The following KCNAB2 variants were observed in gnomAD, a reference collection of about 807,000 sequenced individuals.
KCNAB2 encodes voltage-gated potassium channel subunit beta-2.
In KCNAB2, 29 loss-of-function variants were observed where a neutral mutation model predicts 63.6. That is an observed-to-expected ratio of 0.46 (90% CI 0.34 to 0.62). KCNAB2 has a LOEUF of 0.62. Among genes scored for constraint, KCNAB2 ranks in the 20% least tolerant of loss-of-function variants. KCNAB2 has a pLI of 0.01. For missense variants in KCNAB2, 359 were observed against 563.9 expected, an observed-to-expected ratio of 0.64 and a Z score of 3.68; for synonymous variants, 222 against 224.2, an observed-to-expected ratio of 0.99 and a Z score of 0.09.
At chr1:6,064,770 C>T (rs1662598868) in intron 2 of KCNAB2, among the ~76,000 whole-genome samples, 2 of 152,198 alleles carry the variant, frequency 1.3e-5, no homozygotes, top group Non-Finnish European at 2.9e-5. Flanking sequence ...CCTGGCAGGA[C>T]AAGAGGGGGC....
rs773900780 is a variant in KCNAB2 at position 6,098,595 on chromosome 1, C to G, written c.*21C>G. The stretch of plus-strand genomic sequence containing the variant: ...CCTAAGCCGCCCCCGCCCGCCTGCT[C>G]GGACAGTTTCCGTTCCCTCCTAGTC... On this transcript the variant is annotated 3_prime_UTR_variant, in exon 16 of 16. Transcript: ENST00000378083. 6.2e-6 allele frequency: 10 copies of G among 1,611,434 alleles called. No homozygotes were observed. The highest frequency in any genetic ancestry group is 4.0e-5 in the African/African-American group (3 of 74,888).
intron 1 of KCNAB2, among the ~76,000 whole-genome samples, chr1:6,017,480 G>A (rs1193632074): frequency 6.6e-6 from 1 of 151,828 alleles, no homozygotes; most frequent in East Asian, 1.9e-4. Context: ...TGCTGGGCTG[G>A]TCTAGAATTC....
At chr1:6,044,464 T>C (rs1034530843), upstream of KCNAB2, among the ~76,000 whole-genome samples, 4 of 152,032 alleles carry the variant, frequency 2.6e-5, no homozygotes, top group African/African-American at 9.7e-5. Flanking sequence ...CATATTCCAG[T>C]AGATACAACA....
rs115106045 is a variant in KCNAB2 at position 6,054,984 on chromosome 1, G to A, written c.218+3230G>A. Among the ~76,000 whole-genome samples, 831 of 152,262 alleles carry A rather than the reference G, an allele frequency of 5.5e-3. 11 individuals carry two copies. The highest frequency in any genetic ancestry group is 0.027 in the Middle Eastern group (8 of 294). ...TTTGACTTAGTTATAGGAAATCAGC[G>A]GGAATTGGCCTTCAGTTCCCTGCCT... On this transcript the variant is annotated intron_variant, in intron 2 of 15. Coordinates refer to ENST00000378083, the MANE Select transcript of KCNAB2 (RefSeq NM_001199862.2).
rs1162252315 is a variant in KCNAB2, at chr1:6,094,408, C to T, written c.655C>T (p.Arg219Cys). ...CCTTTCTCTCACGACAGAGACCGTC[C>T]GCGCCATGACCCACGTCATCAACCA... ...SRTFIIEETV[R>C]AMTHVINQGM... Residue 219 changes from arginine to cysteine, a missense_variant, in exon 11 of 16, where the codon CGC (arginine) becomes TGC (cysteine). Arg to Cys is a radical substitution (Grantham distance 180). Coordinates refer to ENST00000378083, the MANE Select transcript of KCNAB2 (RefSeq NM_001199862.2). The T allele has an allele frequency of 1.9e-6, 3 of 1,610,052 alleles. No homozygotes were observed. Among genetic ancestry groups the T allele is most frequent in the Middle Eastern group, 1.7e-4 (1 of 6,036 alleles).
intron 2 of KCNAB2, among the ~76,000 whole-genome samples, chr1:6,063,621 G>A (rs910870918): frequency 6.6e-6 from 1 of 152,010 alleles, no homozygotes; most frequent in South Asian, 2.1e-4. Context: ...ATGTTAGCCA[G>A]GCTGGTCTCA....
intron 1 of KCNAB2, chr1:6,040,438 C>G (rs983742983): frequency 3.9e-6 from 3 of 768,282 alleles, no homozygotes. Flanking sequence ...CTTTGTGATC[C>G]CAGAGTCTCC....
intron 5 of KCNAB2, among the ~76,000 whole-genome samples, chr1:6,083,294 C>G (rs1359370192): frequency 6.6e-6 from 1 of 152,182 alleles, no homozygotes; most frequent in Non-Finnish European, 1.5e-5. Context: ...CCGAGCCCCC[C>G]ACCTCTTCGC....
At chr1:6,010,275 A>G (rs1658077413) in intron 1 of KCNAB2, among the ~76,000 whole-genome samples, 1 of 152,198 alleles carries the variant, frequency 6.6e-6, no homozygotes, top group Admixed American at 6.5e-5. Flanking sequence ...CCTGCAATAA[A>G]GAACCAGCAT....
intron 1 of KCNAB2, among the ~76,000 whole-genome samples, chr1:6,008,618 G>A (rs1230616410): frequency 3.7e-5 from 2 of 54,188 alleles, no homozygotes; most frequent in African/African-American, 1.5e-4. Context: ...GAGCGAGACT[G>A]TCTCAAAAAA....
At chr1:6,092,623 C>T (rs1183689422) in intron 10 of KCNAB2, among the ~76,000 whole-genome samples, 2 of 152,230 alleles carry the variant, frequency 1.3e-5, no homozygotes, top group African/African-American at 4.8e-5. Context: ...GCCAGGAGCC[C>T]GGACCTGGGC....
intron 2 of KCNAB2, among the ~76,000 whole-genome samples, chr1:6,062,426 G>A (rs185333577): frequency 2.0e-3 from 306 of 152,306 alleles, no homozygotes; most frequent in African/African-American, 6.6e-3. Flanking sequence ...TTGTCTAGCA[G>A]CTGTTTGTGT....
In KCNAB2 at chr1:6,086,440, C is replaced by T. The variant is rs191727960; in HGVS notation, c.426-1027C>T. 5,856 of 932,414 alleles carry T rather than the reference C, an allele frequency of 6.3e-3. 21 individuals carry two copies. The highest frequency in any genetic ancestry group is 7.1e-3 in the South Asian group (144 of 20,278). The allele number at this position is 932,414 out of a possible 1,614,324, so 57.8% of individuals were successfully genotyped here. On this transcript the variant is annotated intron_variant, in intron 6 of 15. Transcript: ENST00000378083. The surrounding 1 kb of genome is among the most constrained non-coding windows in gnomAD (Gnocchi z 4.2). The stretch of plus-strand genomic sequence containing the variant: ...GGGTGATCCCCCTTCCTGGAGGTGA[C>T]GCTGCCTCTGCCAGAGCTCTGTGGC...
At chr1:6,075,493 AG>A (rs1281872849) in intron 4 of KCNAB2, among the ~76,000 whole-genome samples, 1 of 152,258 alleles carries the variant, frequency 6.6e-6, no homozygotes, top group African/African-American at 2.4e-5. Context: ...TGGCAGTGTC[AG>A]GGTTCTGAAT....
chr1:6,042,528 C>G (rs1175683689), upstream of KCNAB2, among the ~76,000 whole-genome samples: 1 of 152,158 alleles, frequency 6.6e-6, no homozygotes, highest in Non-Finnish European at 1.5e-5. Context: ...CTGCCTCTCC[C>G]TCACCTGTAA....
chr1:6,024,239 GC>G lies in KCNAB2; in HGVS notation c.-52-16277del, dbSNP rs1659011092. Among the ~76,000 whole-genome samples the G allele has an allele frequency of 6.6e-6, 1 of 152,054 alleles. No homozygotes were observed. Among genetic ancestry groups the G allele is most frequent in the South Asian group, 2.1e-4 (1 of 4,832 alleles). On this transcript the variant is annotated intron_variant, in intron 1 of 16. Transcript: ENST00000341524. The surrounding 1 kb of genome is among the most constrained non-coding windows in gnomAD (Gnocchi z 5.4). ...TTACAGGCGTGAGACACCATGCCCA[GC>G]TGCCAGGCTAATTTTTAAATTTTTT...
Position 6,096,752 on chromosome 1 carries a change from C to T in KCNAB2, c.1065C>T (p.Ala355=). 6.3e-7 allele frequency: 1 copy of T among 1,578,890 alleles called. No homozygotes were observed. Among genetic ancestry groups the T allele is most frequent in the Admixed American group, 1.8e-5 (1 of 54,576 alleles). ...TGGGCTGCACCCTGCCCCAGCTGGC[C>T]ATAGGTAACGGTGGGGTCGCCATGG... is the stretch of plus-strand genomic sequence containing the variant. ...ERLGCTLPQL[A]IAWCLRNEGV... The change falls in exon 14 of 16, where the codon GCC becomes GCT. Residue 355 remains alanine (A), a synonymous_variant. Coordinates refer to ENST00000378083, the MANE Select transcript of KCNAB2 (RefSeq NM_001199862.2). The surrounding 1 kb of genome is among the most constrained non-coding windows in gnomAD (Gnocchi z 5.9).
chr1:6,042,001 C>T, upstream of KCNAB2: 1 of 769,566 alleles, frequency 1.3e-6, no homozygotes, highest in South Asian at 1.4e-5. Flanking sequence ...GACCCCCAGG[C>T]TCTGCTCATC....
At chr1:6,012,831 T>C (rs979114581) in intron 1 of KCNAB2, among the ~76,000 whole-genome samples, 19 of 152,094 alleles carry the variant, frequency 1.2e-4, no homozygotes, top group African/African-American at 4.6e-4. Flanking sequence ...GTGGTGGTCG[T>C]GAGCTGTGTG....
Sources: allele counts gnomAD v4.1 joint callset (sites outside exome capture counted in the v4.1 genomes callset), GRCh38; gene constraint gnomAD v4.1.1; non-coding constraint Gnocchi (gnomAD v3.1); transcripts MANE v1.5; gene names NCBI Gene and HGNC (gene_info 2026-07-23, HGNC 2026-07-21).